The following ABCD2 variants were observed in gnomAD, a reference collection of about 807,000 sequenced individuals.
ABCD2 encodes the protein ATP binding cassette subfamily D member 2, also known as ATP-binding cassette sub-family D member 2.
Under a neutral mutation model 70.9 loss-of-function variants are expected in ABCD2, and 36 were observed. The ratio of observed to expected loss-of-function variants is 0.51; its 90% CI spans 0.39 to 0.67. ABCD2 has a LOEUF of 0.67. Ranked by LOEUF, ABCD2 falls within the 30% of genes least tolerant of loss-of-function variation. The probability of loss-of-function intolerance (pLI) is 0.00; values close to 1 mark genes in which losing one functional copy is unlikely to be tolerated. For missense variants in ABCD2, 729 were observed against 890.2 expected, an observed-to-expected ratio of 0.82 and a Z score of 2.30; for synonymous variants, 304 against 306.9, an observed-to-expected ratio of 0.99 and a Z score of 0.10.
rs113581334 is a variant in ABCD2, at chr12:39,574,720, C to T, written c.1878-879G>A. On this transcript the variant is annotated intron_variant, in intron 8 of 9. Coordinates refer to ENST00000308666, the MANE Select transcript of ABCD2 (RefSeq NM_005164.4). The stretch of plus-strand genomic sequence containing the variant: ...TTGAAAATCAGTATCAGGTATTTGC[C>T]GGGACAATTTTCTTTACAAAAAAAT... Among the ~76,000 whole-genome samples, 312 of 151,706 alleles carry T rather than the reference C, an allele frequency of 2.1e-3. 3 individuals are homozygous for T. Among genetic ancestry groups the T allele is most frequent in the African/African-American group, 6.8e-3 (281 of 41,330 alleles).
At chr12:39,618,250 G>C (rs1180028522) in intron 1 of ABCD2, among the ~76,000 whole-genome samples, 1 of 151,788 alleles carries the variant, frequency 6.6e-6, no homozygotes, top group Non-Finnish European at 1.5e-5. Context: ...GGACAACAAA[G>C]GAACAACAAA....
At chr12:39,589,877 A>T (rs1941721641) in intron 6 of ABCD2, among the ~76,000 whole-genome samples, 1 of 152,210 alleles carries the variant, frequency 6.6e-6, no homozygotes, top group Non-Finnish European at 1.5e-5. Context: ...TGATCATGTG[A>T]AATGGTAAAA....
the ABCD2 span, among the ~76,000 whole-genome samples, chr12:39,544,820 GT>G: frequency 6.6e-6 from 1 of 152,148 alleles, no homozygotes; most frequent in Admixed American, 6.6e-5. Context: ...TGCAGGCCTG[GT>G]TGAGCTTCCA....
chr12:39,557,121 G>A (rs573038538), intron 9 of ABCD2, among the ~76,000 whole-genome samples: 7 of 152,304 alleles, frequency 4.6e-5, no homozygotes, highest in Non-Finnish European at 7.3e-5. Context: ...TTATTGAATT[G>A]CTTTGACCAA....
At position 39,617,730 on chromosome 12, in the gene ABCD2, C is replaced by T. The variant is rs546457190; in HGVS notation, c.940-562G>A. Among the ~76,000 whole-genome samples, 7 of 152,230 alleles carry T rather than the reference C, an allele frequency of 4.6e-5. No individual in the cohort carries two copies. The South Asian group carries it at 1.2e-3, about 27-fold the overall frequency. On this transcript the variant is annotated intron_variant, in intron 1 of 9. Coordinates refer to ENST00000308666, the MANE Select transcript of ABCD2 (RefSeq NM_005164.4). ...TTAAATATTATTTTTCAGGTTGCTA[C>T]TGCTATTAAAGACACTGATAATTAC...
intron 5 of ABCD2, among the ~76,000 whole-genome samples, chr12:39,602,163 ATTTATTTT>A (rs1404874186): frequency 7.9e-6 from 1 of 127,346 alleles, no homozygotes; most frequent in African/African-American, 3.4e-5. Flanking sequence ...TTATTTATTT[ATTTATTTT>A]TTATACTGAG....
intron 9 of ABCD2, among the ~76,000 whole-genome samples, chr12:39,560,919 A>G (rs1941247852): frequency 6.6e-6 from 1 of 152,172 alleles, no homozygotes; most frequent in African/African-American, 2.4e-5. Context: ...TAAAAATAAA[A>G]AGCAAGGAAT....
intron 9 of ABCD2, among the ~76,000 whole-genome samples, chr12:39,568,529 T>A (rs1023485389): frequency 6.6e-6 from 1 of 152,210 alleles, no homozygotes; most frequent in Non-Finnish European, 1.5e-5. Flanking sequence ...GCCATTCGTC[T>A]AATTTTTTTT....
chr12:39,605,375 G>T (rs557748777), intron 3 of ABCD2, among the ~76,000 whole-genome samples: 66 of 152,086 alleles, frequency 4.3e-4, no homozygotes, highest in African/African-American at 1.4e-3. Flanking sequence ...GAATGTTTCT[G>T]AGCCAAATTG....
At chr12:39,540,018 G>A in the ABCD2 span, among the ~76,000 whole-genome samples, 1 of 152,126 alleles carries the variant, frequency 6.6e-6, no homozygotes, top group Non-Finnish European at 1.5e-5. Flanking sequence ...TGCCTCTGTG[G>A]AGCATTGATC....
intron 9 of ABCD2, among the ~76,000 whole-genome samples, chr12:39,557,114 T>C (rs112292204): frequency 0.017 from 2,588 of 152,298 alleles, 83 homozygotes; most frequent in African/African-American, 0.058. Context: ...TAGGGACTTA[T>C]TGAATTGCTT....
intron 6 of ABCD2, among the ~76,000 whole-genome samples, chr12:39,593,545 C>T (rs1009555857): frequency 6.6e-6 from 1 of 152,180 alleles, no homozygotes; most frequent in Non-Finnish European, 1.5e-5. Context: ...AGCCACCAGG[C>T]CCAGCCCAGA....
At chr12:39,597,440 G>A (rs752807812) in intron 6 of ABCD2, among the ~76,000 whole-genome samples, 55 of 152,140 alleles carry the variant, frequency 3.6e-4, no homozygotes, top group Non-Finnish European at 6.0e-4. Flanking sequence ...TAAATTAGTG[G>A]ATTTGTGAAA....
At chr12:39,589,791 A>G (rs1432085327) in intron 6 of ABCD2, among the ~76,000 whole-genome samples, 1 of 152,128 alleles carries the variant, frequency 6.6e-6, no homozygotes, top group African/African-American at 2.4e-5. Context: ...AAAAGTATTC[A>G]TAAGCTTATA....
the ABCD2 span, among the ~76,000 whole-genome samples, chr12:39,545,019 A>T: frequency 1.3e-5 from 2 of 152,230 alleles, no homozygotes; most frequent in Non-Finnish European, 2.9e-5. Context: ...TTTAGCTTAA[A>T]CTGCAGAAAA....
intron 9 of ABCD2, among the ~76,000 whole-genome samples, chr12:39,557,884 G>GA (rs1266770905): frequency 6.6e-6 from 1 of 152,216 alleles, no homozygotes; most frequent in Non-Finnish European, 1.5e-5. Context: ...TGCAGGGTCA[G>GA]AGCCCTTATG....
intron 9 of ABCD2, among the ~76,000 whole-genome samples, chr12:39,564,284 C>A (rs776723613): frequency 6.6e-6 from 1 of 152,180 alleles, no homozygotes; most frequent in East Asian, 1.9e-4. Flanking sequence ...TCCTCTCCAG[C>A]ACCTGTTGTT....
chr12:39,585,046 G>T (rs1941647001), intron 7 of ABCD2, among the ~76,000 whole-genome samples: 1 of 152,006 alleles, frequency 6.6e-6, no homozygotes, highest in Admixed American at 6.6e-5. Flanking sequence ...TTTTTTCCTA[G>T]TTCTGTGAAG....
intron 6 of ABCD2, among the ~76,000 whole-genome samples, chr12:39,589,012 A>G (rs956215804): frequency 7.2e-5 from 11 of 152,204 alleles, no homozygotes; most frequent in Non-Finnish European, 1.3e-4. Flanking sequence ...TTTGATAAGT[A>G]TACTGTAGTT....
Sources: gnomAD v4.1 joint callset for allele counts (sites outside exome capture counted in the v4.1 genomes callset) on GRCh38, gnomAD v4.1.1 for gene constraint, MANE v1.5 for transcripts, NCBI Gene and HGNC (gene_info 2026-07-23, HGNC 2026-07-21) for gene names.